The following PIEZO2 variants were observed in gnomAD, a reference collection of about 807,000 sequenced individuals.
The protein encoded by PIEZO2 is piezo-type mechanosensitive ion channel component 2.
In PIEZO2, 172 loss-of-function variants were observed where a neutral mutation model predicts 337.3. That is an observed-to-expected ratio of 0.51 (90% confidence interval 0.45 to 0.58). The LOEUF is 0.58. Ranked by LOEUF, PIEZO2 falls within the 20% of genes least tolerant of loss-of-function variation. PIEZO2 has a pLI of 0.00. For synonymous variants in PIEZO2, 1,251 were observed against 1,228.5 expected (o/e 1.02, Z -0.38); for missense variants, 3,028 against 3,391.3 (o/e 0.89, Z 2.66).
intron 3 of PIEZO2, among the ~76,000 whole-genome samples, chr18:10,960,147 T>C (rs1275722325): frequency 6.6e-6 from 1 of 152,186 alleles, no homozygotes; most frequent in Non-Finnish European, 1.5e-5. Context: ...ATCTTTTTAT[T>C]GAAGTTATAA....
intron 3 of PIEZO2, among the ~76,000 whole-genome samples, chr18:10,936,594 G>A (rs192862138): frequency 9.2e-4 from 140 of 152,270 alleles, no homozygotes; most frequent in Admixed American, 5.9e-3. Context: ...GGGATGTTAA[G>A]GGCCTGGCAG....
At position 10,942,193 on chromosome 18, in the gene PIEZO2, C is replaced by A. The variant is rs960866085; in HGVS notation, c.287-30965G>T. Among the ~76,000 whole-genome samples the A allele has an allele frequency of 6.6e-6, 1 of 152,068 alleles. No homozygotes were observed. Among genetic ancestry groups the A allele is most frequent in the Non-Finnish European group, 1.5e-5 (1 of 68,018 alleles). ...AATGAACTAATTCAGTAAATTGGTA[C>A]CAGTAGGGTGGGGCGCTGCTGAAAA... On this transcript the variant is annotated intron_variant, in intron 3 of 55. Coordinates refer to ENST00000674853, the MANE Select transcript of PIEZO2 (RefSeq NM_001378183.1). This position sits in a 1 kb window ranked among gnomAD's most constrained non-coding sequence, Gnocchi z 4.4.
chr18:10,920,308 A>T (rs574057900), intron 3 of PIEZO2, among the ~76,000 whole-genome samples: 6 of 152,266 alleles, frequency 3.9e-5, no homozygotes, highest in African/African-American at 1.4e-4. Flanking sequence ...TCATAGAAAG[A>T]AAGAAGCCAA....
intron 3 of PIEZO2, among the ~76,000 whole-genome samples, chr18:10,977,524 T>C (rs2034489431): frequency 6.6e-6 from 1 of 152,228 alleles, no homozygotes; most frequent in African/African-American, 2.4e-5. Flanking sequence ...TATAAGATAA[T>C]ACTACTACTA....
chr18:10,753,090 G>A (rs763013494), intron 27 of PIEZO2, among the ~76,000 whole-genome samples: 5 of 152,070 alleles, frequency 3.3e-5, no homozygotes, highest in East Asian at 1.9e-4. Flanking sequence ...TATGCTTCTC[G>A]TCACCTTATT....
chr18:10,873,550 T>C (rs1008192678), intron 4 of PIEZO2, among the ~76,000 whole-genome samples: 1 of 152,204 alleles, frequency 6.6e-6, no homozygotes, highest in Non-Finnish European at 1.5e-5. Context: ...ATTTGTTCAT[T>C]TAACATGTCA....
chr18:10,696,563 C>CT, intron 45 of PIEZO2, 24 bp from the exon 46 acceptor site: 1 of 1,612,052 alleles, frequency 6.2e-7, no homozygotes, highest in South Asian at 1.1e-5. Flanking sequence ...ACCCCCACCC[C>CT]CAACCCACTT....
Position 10,953,987 on chromosome 18 carries a change from G to T in PIEZO2, c.286+25548C>A, listed in dbSNP as rs1285630818. On this transcript the variant is annotated intron_variant, in intron 3 of 55. Transcript: ENST00000674853. This position sits in a 1 kb window ranked among gnomAD's most constrained non-coding sequence, Gnocchi z 5.2. ...TGGTGTGCAGCTGGTTCAGCACAGG[G>T]TCACATCTGCTGAAAGCAGGGAACT... Among the ~76,000 whole-genome samples, 2 of 152,204 alleles carry T rather than the reference G, an allele frequency of 1.3e-5. No homozygotes were observed. The highest frequency in any genetic ancestry group is 3.9e-4 in the East Asian group (2 of 5,192).
chr18:10,753,860 T>G (rs1411168363), intron 27 of PIEZO2, among the ~76,000 whole-genome samples: 1 of 151,616 alleles, frequency 6.6e-6, no homozygotes, highest in Non-Finnish European at 1.5e-5. Context: ...TTTTATAACT[T>G]TTTTTCTAAA....
intron 7 of PIEZO2, among the ~76,000 whole-genome samples, chr18:10,838,585 T>C (rs1181743964): frequency 1.3e-5 from 2 of 152,242 alleles, no homozygotes; most frequent in Non-Finnish European, 2.9e-5. Context: ...GTGCAGGGTG[T>C]GCTGTATTCA....
At chr18:10,886,378 G>GTATATATATATATA (rs1214519492) in intron 4 of PIEZO2, among the ~76,000 whole-genome samples, 2 of 3,180 alleles carry the variant, frequency 6.3e-4, no homozygotes, top group Non-Finnish European at 9.5e-4. Context: ...ATGTGTGTGT[G>GTATATATATATATA]TGTATATATA....
intron 3 of PIEZO2, among the ~76,000 whole-genome samples, chr18:10,941,925 G>C (rs1242192410): frequency 2.0e-5 from 3 of 152,116 alleles, no homozygotes; most frequent in Non-Finnish European, 4.4e-5. Flanking sequence ...TGGGGGGTGG[G>C]TCTTTCCAGT....
intron 4 of PIEZO2, among the ~76,000 whole-genome samples, chr18:10,881,142 T>C (rs1305281805): frequency 6.6e-6 from 1 of 151,926 alleles, no homozygotes; most frequent in African/African-American, 2.4e-5. Context: ...GTACCTTTTT[T>C]TAAACCACAA....
intron 2 of PIEZO2, among the ~76,000 whole-genome samples, chr18:10,999,621 T>C (rs1220699848): frequency 6.6e-6 from 1 of 152,104 alleles, no homozygotes; most frequent in Admixed American, 6.5e-5. Flanking sequence ...TATAAGACAC[T>C]TGAGCACCCA....
intron 3 of PIEZO2, among the ~76,000 whole-genome samples, chr18:10,935,034 G>A (rs140011177): frequency 6.6e-6 from 1 of 152,266 alleles, no homozygotes; most frequent in East Asian, 1.9e-4. Flanking sequence ...TGTGATGTCT[G>A]TGCTCTAACC....
chr18:10,698,865 C>A, intron 44 of PIEZO2, 60 bp downstream of exon 44: 1 of 1,525,962 alleles, frequency 6.6e-7, no homozygotes, highest in Non-Finnish European at 8.7e-7. Context: ...CCACAGGCAC[C>A]AGAAAAACAA....
chr18:11,030,481 G>C (rs753790770), intron 2 of PIEZO2, among the ~76,000 whole-genome samples: 29 of 152,174 alleles, frequency 1.9e-4, no homozygotes, highest in Non-Finnish European at 2.8e-4. Context: ...CCAAAGGAGT[G>C]ACTTGCCCAA....
chr18:10,675,317 T>A, intron 53 of PIEZO2, 29 bp from the exon 54 acceptor site: 1 of 1,361,072 alleles, frequency 7.3e-7, no homozygotes, highest in Non-Finnish European at 9.9e-7. Context: ...AAGATACAAT[T>A]ACGTTTTAGT....
Position 10,672,154 on chromosome 18 carries a change from G to A in PIEZO2, c.8346-375C>T, listed in dbSNP as rs2033807455. 6.6e-6 allele frequency among the ~76,000 whole-genome samples: 1 copy of A among 152,024 alleles called. No homozygotes were observed. The highest frequency in any genetic ancestry group is 2.1e-4 in the South Asian group (1 of 4,818). On this transcript the variant is annotated intron_variant, in intron 55 of 55. Coordinates refer to ENST00000674853, the MANE Select transcript of PIEZO2 (RefSeq NM_001378183.1). This position sits in a 1 kb window ranked among gnomAD's most constrained non-coding sequence, Gnocchi z 4.7. Reference sequence around the variant, plus strand: ...AATTATATATGATTTTCTGTGGCAGGCTCCTTTCCTTTTAGCAATACTGTC... The same window carrying A: ...AATTATATATGATTTTCTGTGGCAGACTCCTTTCCTTTTAGCAATACTGTC...
Sources: gnomAD v4.1 joint callset for allele counts (sites outside exome capture counted in the v4.1 genomes callset) on GRCh38, gnomAD v4.1.1 for gene constraint, Gnocchi (gnomAD v3.1) non-coding constraint, MANE v1.5 for transcripts, NCBI Gene and HGNC (gene_info 2026-07-23, HGNC 2026-07-21) for gene names.